FAM228B: variants seen among roughly 807,000 people sequenced by gnomAD.
FAM228B encodes the protein family with sequence similarity 228 member B.
In FAM228B, 38 loss-of-function variants were observed where a neutral mutation model predicts 42.6. The ratio of observed to expected loss-of-function variants is 0.89; its 90% confidence interval spans 0.69 to 1.17. The LOEUF (loss-of-function observed/expected upper bound fraction) is 1.17, where lower values mean the gene tolerates loss of function less well. Ranked by LOEUF, FAM228B falls within the 50% of genes most tolerant of loss-of-function variation. FAM228B has a pLI of 0.00. For missense variants in FAM228B, 344 were observed against 367.3 expected, an observed-to-expected ratio of 0.94 and a Z score of 0.52; for synonymous variants, 109 against 122.3, an observed-to-expected ratio of 0.89 and a Z score of 0.72.
At chr2:24,093,607 A>C (rs1454666931) in intron 2 of FAM228B, among the ~76,000 whole-genome samples, 2 of 150,270 alleles carry the variant, frequency 1.3e-5, no homozygotes, top group African/African-American at 2.4e-5. Flanking sequence ...TGCTGCAATA[A>C]ACATATGTGT....
At chr2:24,123,146 C>G (rs1236827005), upstream of FAM228B, 1 of 152,504 alleles carries the variant, frequency 6.6e-6, no homozygotes, top group African/African-American at 2.4e-5. Context: ...TTTCCCGCCA[C>G]TGCCTTCCAG....
At chr2:24,103,199 G>C (rs1351764954) in intron 3 of FAM228B, among the ~76,000 whole-genome samples, 2 of 152,210 alleles carry the variant, frequency 1.3e-5, no homozygotes, top group Non-Finnish European at 2.9e-5. Flanking sequence ...CAGGCTCAAA[G>C]GCTCAAAGGG....
intron 8 of FAM228B, among the ~76,000 whole-genome samples, chr2:24,162,038 G>T (rs1403566314): frequency 6.6e-6 from 1 of 152,214 alleles, no homozygotes; most frequent in African/African-American, 2.4e-5. Context: ...GGCAGAAGTT[G>T]TAGTGAGCCA....
chr2:24,130,627 C>G lies in FAM228B; in HGVS notation c.100-4492C>G, dbSNP rs150323008. Among the ~76,000 whole-genome samples the G allele has an allele frequency of 1.4e-3, 220 of 152,194 alleles. 3 individuals carry two copies. The highest frequency in any genetic ancestry group is 3.8e-3 in the African/African-American group (156 of 41,532). ...TGTCTTCTTTTGAGAAGCATCTGTT[C>G]ATATCCTTTGCCCACTTTTTGATTT... On this transcript the variant is annotated intron_variant, in intron 2 of 10. Coordinates refer to ENST00000615575, the MANE Select transcript of FAM228B (RefSeq NM_001145710.2).
chr2:24,124,319 A>T lies in FAM228B; in HGVS notation c.-32-11A>T. The T allele has an allele frequency of 7.7e-7, 1 of 1,293,428 alleles. No homozygotes were observed. The highest frequency in any genetic ancestry group is 1.1e-6 in the Non-Finnish European group (1 of 921,728). 80.1% of individuals were successfully genotyped at this position (1,293,428 alleles called of 1,614,324 possible). A position where few individuals can be genotyped will look rare whatever the true frequency, so the allele number is the denominator to read the frequency against. On this transcript the variant is annotated splice_polypyrimidine_tract_variant and intron_variant, in intron 1 of 10. Coordinates refer to ENST00000615575, the MANE Select transcript of FAM228B (RefSeq NM_001145710.2). ...TGTGAAATGTTCAATACTAAATAAG[A>T]TGATTTTTAGTTTTTCCAGGGGCAT... is the stretch of plus-strand genomic sequence containing the variant.
intron 5 of FAM228B, among the ~76,000 whole-genome samples, chr2:24,143,768 CT>C (rs1017122436): frequency 1.3e-5 from 2 of 152,048 alleles, no homozygotes; most frequent in Non-Finnish European, 2.9e-5. Context: ...TTAAAATTTT[CT>C]GTTTTAATTT....
chr2:24,126,325 T>C (rs925878016), intron 2 of FAM228B, among the ~76,000 whole-genome samples: 7 of 152,224 alleles, frequency 4.6e-5, no homozygotes, highest in Admixed American at 3.9e-4. Context: ...CTAGCCAACA[T>C]TTGGAATAGT....
intron 2 of FAM228B, among the ~76,000 whole-genome samples, chr2:24,131,859 G>T (rs1206452586): frequency 2.0e-5 from 3 of 152,112 alleles, no homozygotes; most frequent in African/African-American, 7.2e-5. Flanking sequence ...AGAACTTCCA[G>T]TAATATGTTG....
intron 3 of FAM228B, among the ~76,000 whole-genome samples, chr2:24,105,238 G>A (rs1408554359): frequency 2.0e-5 from 3 of 152,252 alleles, no homozygotes; most frequent in South Asian, 4.1e-4. Context: ...CAAGGTTACA[G>A]CTTGTCTGCC....
rs562376825 is a variant in FAM228B, at chr2:24,156,193, A to T, written c.687-5313A>T. Among the ~76,000 whole-genome samples the T allele has an allele frequency of 5.6e-4, 86 of 152,346 alleles. 1 individual carries two copies. Among genetic ancestry groups the T allele is most frequent in the African/African-American group, 1.9e-3 (80 of 41,578 alleles). ...AATTCAACCTATCCAAAAGTGAGCG[A>T]GTCGTGCTTGTCATCTTTTGCATCT... On this transcript the variant is annotated intron_variant, in intron 7 of 10. Transcript: ENST00000615575.
At position 24,095,870 on chromosome 2, in the gene FAM228B, C is replaced by T. The variant is rs1232178467; in HGVS notation, c.-121+641C>T. ...CCTCCCAGGAGGGGCCGACAGACAC[C>T]TCATATAGGCACCTGCCTCTCTGGG... On this transcript the variant is annotated intron_variant, in intron 3 of 10. Transcript: ENST00000613899. This position sits in a 1 kb window ranked among gnomAD's most constrained non-coding sequence, Gnocchi z 4.8. The T allele has an allele frequency of 1.3e-5, 2 of 152,282 alleles. No homozygotes were observed. The highest frequency in any genetic ancestry group is 2.9e-5 in the Non-Finnish European group (2 of 68,104). The allele number at this position is 152,282 out of a possible 1,614,324, so 9.4% of individuals were successfully genotyped here.
chr2:24,108,882 CAG>C (rs1423819848), intron 3 of FAM228B, among the ~76,000 whole-genome samples: 1 of 135,136 alleles, frequency 7.4e-6, no homozygotes, highest in Admixed American at 8.7e-5. Context: ...GCCTGGCTGA[CAG>C]AGCAAGAGTC....
At position 24,169,212 on chromosome 2, in the gene FAM228B, C is replaced by G. The variant is rs369902443; in HGVS notation, c.*15-144C>G. Reference sequence around the variant, plus strand: ...CTGAGGCAGGAGGCCTAGGTGGAGACCCTGCCTGAGAGATGAGTCACTCGG... The same window carrying G: ...CTGAGGCAGGAGGCCTAGGTGGAGAGCCTGCCTGAGAGATGAGTCACTCGG... On this transcript the variant is annotated intron_variant, in intron 10 of 10. Coordinates refer to ENST00000615575, the MANE Select transcript of FAM228B (RefSeq NM_001145710.2). This position sits in a 1 kb window ranked among gnomAD's most constrained non-coding sequence, Gnocchi z 4.2. 3.2e-6 allele frequency: 1 copy of G among 309,308 alleles called. No individual in the cohort carries two copies. Among genetic ancestry groups the G allele is most frequent in the Non-Finnish European group, 7.5e-6 (1 of 133,340 alleles). 19.2% of individuals were successfully genotyped at this position (309,308 alleles called of 1,614,324 possible).
chr2:24,118,064 C>T (rs1319480570), intron 3 of FAM228B, among the ~76,000 whole-genome samples: 1 of 152,206 alleles, frequency 6.6e-6, no homozygotes, highest in Non-Finnish European at 1.5e-5. Context: ...ACCTACATTA[C>T]AGTAGTCAGG....
intron 5 of FAM228B, among the ~76,000 whole-genome samples, chr2:24,144,825 G>C (rs1666855862): frequency 6.6e-6 from 1 of 152,118 alleles, no homozygotes; most frequent in Non-Finnish European, 1.5e-5. Flanking sequence ...CACAGCAGCA[G>C]GTCCACAGCA....
At chr2:24,120,116 A>G (rs1666056748), upstream of FAM228B, among the ~76,000 whole-genome samples, 1 of 152,086 alleles carries the variant, frequency 6.6e-6, no homozygotes, top group Non-Finnish European at 1.5e-5. Context: ...TAAAAATACA[A>G]AAATTAGCCA....
At chr2:24,153,630 T>C (rs1667070031) in intron 7 of FAM228B, among the ~76,000 whole-genome samples, 1 of 152,200 alleles carries the variant, frequency 6.6e-6, no homozygotes, top group Admixed American at 6.5e-5. Flanking sequence ...GGTGTCACCT[T>C]TGGAGTTGCT....
intron 3 of FAM228B, among the ~76,000 whole-genome samples, chr2:24,105,649 T>C (rs1449339738): frequency 6.6e-6 from 1 of 152,178 alleles, no homozygotes; most frequent in East Asian, 1.9e-4. Flanking sequence ...ATTCAGAATA[T>C]GGATAGGAAT....
chr2:24,084,167 G>A lies in FAM228B; in HGVS notation c.-210+3212G>A. 6.3e-7 allele frequency: 1 copy of A among 1,598,240 alleles called. No homozygotes were observed. On this transcript the variant is annotated intron_variant, in intron 2 of 10. Coordinates refer to the FAM228B transcript ENST00000613899. This position sits in a 1 kb window ranked among gnomAD's most constrained non-coding sequence, Gnocchi z 8.4. The stretch of plus-strand genomic sequence containing the variant: ...GAGGCTCTGGAGTCCCGCCCGCCCC[G>A]GCGCGGCTGAGCCCTGGGTACCTGC...
Sources: gnomAD v4.1 joint callset for allele counts (sites outside exome capture counted in the v4.1 genomes callset) on GRCh38, gnomAD v4.1.1 for gene constraint, Gnocchi (gnomAD v3.1) non-coding constraint, MANE v1.5 for transcripts, NCBI Gene and HGNC (gene_info 2026-07-23, HGNC 2026-07-21) for gene names.